Variants in SLC44A1 observed in about 807,000 individuals in gnomAD.
SLC44A1 encodes solute carrier family 44 member 1, also known as choline transporter-like protein 1.
SLC44A1 carries 26 observed loss-of-function variants against 79.3 expected under a neutral mutation model. The ratio of observed to expected loss-of-function variants is 0.33; its 90% confidence interval spans 0.24 to 0.46. The LOEUF (loss-of-function observed/expected upper bound fraction) is 0.46. Ranked by LOEUF, SLC44A1 falls within the 20% of genes least tolerant of loss-of-function variation. The pLI is 1.00. For synonymous variants in SLC44A1, 263 were observed against 286.2 expected, an observed-to-expected ratio of 0.92 and a Z score of 0.82; for missense variants, 688 against 798.1, an observed-to-expected ratio of 0.86 and a Z score of 1.66.
At chr9:105,273,581 G>A (rs1215084835) in intron 1 of SLC44A1, among the ~76,000 whole-genome samples, 1 of 152,066 alleles carries the variant, frequency 6.6e-6, no homozygotes, top group Admixed American at 6.6e-5. Context: ...TGGATGATTT[G>A]TGTAAAATTG....
At chr9:105,412,353 C>A (rs1412591113) in intron 15 of SLC44A1, among the ~76,000 whole-genome samples, 4 of 152,152 alleles carry the variant, frequency 2.6e-5, no homozygotes, top group Admixed American at 2.6e-4. Flanking sequence ...CAAGCTGGCT[C>A]CTGTACTTTT....
At chr9:105,336,074 A>G (rs1826908129) in intron 4 of SLC44A1, among the ~76,000 whole-genome samples, 2 of 152,102 alleles carry the variant, frequency 1.3e-5, no homozygotes, top group South Asian at 2.1e-4. Flanking sequence ...ATATATAAAA[A>G]TTGAAATAAG....
At chr9:105,344,147 T>G (rs1262292853) in intron 4 of SLC44A1, among the ~76,000 whole-genome samples, 1 of 152,212 alleles carries the variant, frequency 6.6e-6, no homozygotes, top group East Asian at 1.9e-4. Context: ...GACTTTCTTA[T>G]TAATTGCAAA....
intron 1 of SLC44A1, among the ~76,000 whole-genome samples, chr9:105,281,803 A>G (rs1274874404): frequency 6.6e-6 from 1 of 152,190 alleles, no homozygotes; most frequent in Non-Finnish European, 1.5e-5. Flanking sequence ...TTGTGGAAAG[A>G]AGCAGGATTT....
rs760532547 is a variant in SLC44A1, at chr9:105,362,895, C to G, written c.975C>G (p.Gly325=). Reference sequence around the variant, plus strand: ...CCATCGCCTTGTTCCACGTAGCTGGCAAGGTCTTCATTCACTTGCCACTGC... The same window carrying G: ...CCATCGCCTTGTTCCACGTAGCTGGGAAGGTCTTCATTCACTTGCCACTGC... ...ALTIALFHVA[G]KVFIHLPLLV... is the part of the protein sequence containing the mutation. The change falls in exon 9 of 16, where the codon GGC becomes GGG. Residue 325 remains glycine (G), a synonymous_variant. Coordinates refer to ENST00000374720, the MANE Select transcript of SLC44A1 (RefSeq NM_080546.5). The G allele has an allele frequency of 6.2e-7, 1 of 1,613,816 alleles. No homozygotes were observed. Among genetic ancestry groups the G allele is most frequent in the African/African-American group, 1.3e-5 (1 of 75,028 alleles).
At chr9:105,426,796 C>T (rs1829327487) in intron 15 of SLC44A1, among the ~76,000 whole-genome samples, 1 of 152,064 alleles carries the variant, frequency 6.6e-6, no homozygotes, top group Admixed American at 6.6e-5. Flanking sequence ...ATAAATTGCT[C>T]ATTATAGATA....
At chr9:105,273,756 C>T (rs924893544) in intron 1 of SLC44A1, among the ~76,000 whole-genome samples, 1 of 152,054 alleles carries the variant, frequency 6.6e-6, no homozygotes, top group East Asian at 1.9e-4. Flanking sequence ...CTTCATTAAG[C>T]AGTTTTGTAT....
At chr9:105,422,261 C>CTTGG (rs1639633206) in intron 15 of SLC44A1, among the ~76,000 whole-genome samples, 1 of 149,276 alleles carries the variant, frequency 6.7e-6, no homozygotes, top group African/African-American at 2.5e-5. Flanking sequence ...CTGCCCTGAC[C>CTTGG]TTGGGCCTCC....
intron 14 of SLC44A1, among the ~76,000 whole-genome samples, chr9:105,384,509 G>A (rs2131468633): frequency 6.6e-6 from 1 of 151,920 alleles, no homozygotes; most frequent in East Asian, 1.9e-4. Context: ...TCAATAGCAA[G>A]AATTCCAAAT....
intron 1 of SLC44A1, among the ~76,000 whole-genome samples, chr9:105,280,932 A>C (rs1830336047): frequency 6.6e-6 from 1 of 152,204 alleles, no homozygotes. Context: ...ATGTGAGATC[A>C]CTGCAGCACA....
chr9:105,425,556 C>T (rs1241071644), intron 15 of SLC44A1, among the ~76,000 whole-genome samples: 3 of 152,182 alleles, frequency 2.0e-5, no homozygotes, highest in Non-Finnish European at 4.4e-5. Context: ...GGTGTAGTGG[C>T]TCACGCCTGT....
chr9:105,342,456 A>G (rs1160084605), intron 4 of SLC44A1, among the ~76,000 whole-genome samples: 1 of 152,182 alleles, frequency 6.6e-6, no homozygotes, highest in Non-Finnish European at 1.5e-5. Flanking sequence ...CTTGGAATGT[A>G]TTCCCATGGA....
At chr9:105,314,220 G>T (rs968508725) in intron 3 of SLC44A1, among the ~76,000 whole-genome samples, 10 of 152,124 alleles carry the variant, frequency 6.6e-5, no homozygotes, top group Non-Finnish European at 1.5e-4. Context: ...TTTGCCTCTG[G>T]GGAGAAGATT....
At chr9:105,281,763 A>G (rs1830358642) in intron 1 of SLC44A1, among the ~76,000 whole-genome samples, 1 of 152,196 alleles carries the variant, frequency 6.6e-6, no homozygotes, top group Admixed American at 6.5e-5. Context: ...TGTAGTTCTA[A>G]TAGAAGATCA....
intron 1 of SLC44A1, among the ~76,000 whole-genome samples, chr9:105,264,898 G>A (rs1829924585): frequency 2.6e-5 from 4 of 151,664 alleles, no homozygotes; most frequent in Admixed American, 2.0e-4. Flanking sequence ...CTGGGTTCAA[G>A]TGATTCTCCT....
At chr9:105,424,940 C>A (rs1212746276) in intron 15 of SLC44A1, among the ~76,000 whole-genome samples, 2 of 137,904 alleles carry the variant, frequency 1.5e-5, no homozygotes, top group Non-Finnish European at 3.0e-5. Context: ...CAGAGTAAGA[C>A]TCCATCTCAA....
At chr9:105,400,780 C>T (rs1828948717), downstream of SLC44A1, among the ~76,000 whole-genome samples, 1 of 152,148 alleles carries the variant, frequency 6.6e-6, no homozygotes, top group African/African-American at 2.4e-5. Flanking sequence ...TATTTCTCAC[C>T]TACACATAAC....
chr9:105,336,281 A>G (rs1298665426), intron 4 of SLC44A1, among the ~76,000 whole-genome samples: 1 of 152,078 alleles, frequency 6.6e-6, no homozygotes, highest in Non-Finnish European at 1.5e-5. Flanking sequence ...GTCGGTGTGT[A>G]TATAGTTTTG....
At chr9:105,309,936 T>C in intron 3 of SLC44A1, 70 bp downstream of exon 3, 1 of 1,489,276 alleles carries the variant, frequency 6.7e-7, no homozygotes, top group South Asian at 1.3e-5. Context: ...CCTGCTGTTC[T>C]TGCTGTTTTA....
Sources: gnomAD v4.1 joint callset for allele counts (sites outside exome capture counted in the v4.1 genomes callset) on GRCh38, gnomAD v4.1.1 for gene constraint, MANE v1.5 for transcripts, NCBI Gene and HGNC (gene_info 2026-07-23, HGNC 2026-07-21) for gene names.